INPP5A: variants seen among roughly 807,000 people sequenced by gnomAD.
INPP5A encodes the protein inositol polyphosphate-5-phosphatase A, also known as 43 kDa inositol polyphosphate 5-phophatase.
In INPP5A, 14 loss-of-function variants were observed where a neutral mutation model predicts 65.2. The ratio of observed to expected loss-of-function variants is 0.21; its 90% CI spans 0.14 to 0.34. INPP5A has a LOEUF of 0.34. Among genes scored for constraint, INPP5A ranks in the 10% least tolerant of loss-of-function variants. INPP5A has a pLI of 1.00. For missense variants in INPP5A, 431 were observed against 545.6 expected (o/e 0.79, Z 2.09); for synonymous variants, 207 against 208.3 (o/e 0.99, Z 0.05).
chr10:132,719,005 C>G (rs539692417), intron 8 of INPP5A, among the ~76,000 whole-genome samples: 1 of 146,672 alleles, frequency 6.8e-6, no homozygotes, highest in East Asian at 2.0e-4. Flanking sequence ...GTCTGGGCGC[C>G]TTAGACGACT....
chr10:132,755,259 G>A (rs1002484627), intron 11 of INPP5A, among the ~76,000 whole-genome samples: 3 of 151,266 alleles, frequency 2.0e-5, no homozygotes, highest in Non-Finnish European at 2.9e-5. Context: ...GTGTGAGCAG[G>A]TGTGTGCATG....
At chr10:132,773,757 C>G (rs12767469) in intron 12 of INPP5A, among the ~76,000 whole-genome samples, 28,778 of 152,124 alleles carry the variant, frequency 0.19, 3,198 homozygotes, top group Non-Finnish European at 0.26. Flanking sequence ...TTTTGTCCCT[C>G]GAGATACGGG....
At chr10:132,739,739 T>G (rs1846240786) in intron 9 of INPP5A, among the ~76,000 whole-genome samples, 1 of 152,234 alleles carries the variant, frequency 6.6e-6, no homozygotes, top group African/African-American at 2.4e-5. Flanking sequence ...TGAGATGACG[T>G]GTGCTGTTTC....
chr10:132,629,936 G>A (rs190413971), intron 2 of INPP5A, among the ~76,000 whole-genome samples: 72 of 152,234 alleles, frequency 4.7e-4, no homozygotes, highest in Middle Eastern at 3.4e-3. Flanking sequence ...AAGGGTGGGC[G>A]TCCTTGAGGG....
At chr10:132,601,850 A>T (rs2071780686) in intron 1 of INPP5A, among the ~76,000 whole-genome samples, 1 of 146,898 alleles carries the variant, frequency 6.8e-6, no homozygotes. Context: ...TTGTGCCAGG[A>T]CCACACTGTT....
intron 9 of INPP5A, among the ~76,000 whole-genome samples, chr10:132,742,864 C>T (rs566665173): frequency 4.6e-5 from 7 of 152,276 alleles, no homozygotes; most frequent in East Asian, 1.9e-4. Flanking sequence ...TTTATTTAAC[C>T]GCTGAAGGCA....
intron 9 of INPP5A, among the ~76,000 whole-genome samples, chr10:132,737,706 G>C (rs1028875269): frequency 2.0e-5 from 3 of 152,210 alleles, no homozygotes; most frequent in Admixed American, 6.5e-5. Context: ...CGTGCTGCTC[G>C]GTTCACTCAC....
intron 9 of INPP5A, among the ~76,000 whole-genome samples, chr10:132,736,496 C>A (rs912786359): frequency 1.3e-5 from 2 of 152,236 alleles, no homozygotes; most frequent in East Asian, 3.8e-4. Context: ...AAGGAGCCGT[C>A]CTCGGAGAGG....
intron 5 of INPP5A, among the ~76,000 whole-genome samples, chr10:132,694,035 T>A (rs573694062): frequency 1.1e-4 from 17 of 152,232 alleles, no homozygotes; most frequent in Non-Finnish European, 2.1e-4. Flanking sequence ...ATTGATCTAA[T>A]TGACACTTAT....
At chr10:132,738,048 C>G (rs185974050) in intron 9 of INPP5A, among the ~76,000 whole-genome samples, 5 of 152,310 alleles carry the variant, frequency 3.3e-5, no homozygotes, top group Non-Finnish European at 5.9e-5. Context: ...TTTCTCTGGT[C>G]TATGCTGGGA....
intron 8 of INPP5A, among the ~76,000 whole-genome samples, chr10:132,725,224 G>A (rs2134577989): frequency 6.6e-6 from 1 of 152,342 alleles, no homozygotes; most frequent in Admixed American, 6.5e-5. Flanking sequence ...AGATGGAAAT[G>A]AACTCCTACG....
chr10:132,748,629 G>T (rs1463244316), intron 9 of INPP5A, among the ~76,000 whole-genome samples: 1 of 152,220 alleles, frequency 6.6e-6, no homozygotes, highest in African/African-American at 2.4e-5. Flanking sequence ...TTTCAAAACA[G>T]GCCTCAATGT....
chr10:132,765,977 A>G (rs1216925066), intron 12 of INPP5A, 131 bp downstream of exon 12: 1 of 679,814 alleles, frequency 1.5e-6, no homozygotes, highest in Non-Finnish European at 2.7e-6. Flanking sequence ...TTCTGTGTGC[A>G]TCCAGAGTGT....
intron 11 of INPP5A, among the ~76,000 whole-genome samples, chr10:132,760,423 GC>G (rs1444207205): frequency 6.6e-6 from 1 of 152,256 alleles, no homozygotes; most frequent in African/African-American, 2.4e-5. Context: ...CTGTGGGCCC[GC>G]TGTGAGCAGA....
rs562380463 is a variant in INPP5A at position 132,628,968 on chromosome 10, C to T, written c.118-16900C>T. Among the ~76,000 whole-genome samples the T allele has an allele frequency of 6.6e-5, 10 of 152,280 alleles. No individual in the cohort carries two copies. The South Asian group carries it at 2.1e-3, about 32-fold the overall frequency. On this transcript the variant is annotated intron_variant, in intron 2 of 15. Coordinates refer to ENST00000368594, the MANE Select transcript of INPP5A (RefSeq NM_005539.5). ...AATCAGTATACAGTTATTAATGAGACATGTTATCTGTTTTTGTGTGGCCTT... is the reference window on the plus strand; with the variant it reads ...AATCAGTATACAGTTATTAATGAGATATGTTATCTGTTTTTGTGTGGCCTT...
In INPP5A at chr10:132,674,314, C is replaced by A. The variant is rs1295655587; in HGVS notation, c.307-16078C>A. 6.6e-6 allele frequency among the ~76,000 whole-genome samples: 1 copy of A among 152,228 alleles called. No homozygotes were observed. The highest frequency in any genetic ancestry group is 2.4e-5 in the African/African-American group (1 of 41,464). On this transcript the variant is annotated intron_variant, in intron 4 of 15. Coordinates refer to ENST00000368594, the MANE Select transcript of INPP5A (RefSeq NM_005539.5). The surrounding 1 kb of genome is among the most constrained non-coding windows in gnomAD (Gnocchi z 4.4). Reference sequence around the variant, plus strand: ...TATATAATCACACATCTGGCCATTTCTCCTTCCAAGCAGAGTGCACAAGCG... The same window carrying A: ...TATATAATCACACATCTGGCCATTTATCCTTCCAAGCAGAGTGCACAAGCG...
At chr10:132,688,610 T>G (rs1158737106) in intron 4 of INPP5A, among the ~76,000 whole-genome samples, 2 of 150,478 alleles carry the variant, frequency 1.3e-5, no homozygotes, top group African/African-American at 4.9e-5. Flanking sequence ...TGTGTGCAAG[T>G]GTGTGAGTGT....
chr10:132,644,046 A>G lies in INPP5A; in HGVS notation c.118-1822A>G, dbSNP rs1343982137. 6.6e-6 allele frequency among the ~76,000 whole-genome samples: 1 copy of G among 152,032 alleles called. No individual in the cohort carries two copies. The highest frequency in any genetic ancestry group is 1.5e-5 in the Non-Finnish European group (1 of 68,002). On this transcript the variant is annotated intron_variant, in intron 2 of 15. Coordinates refer to ENST00000368594, the MANE Select transcript of INPP5A (RefSeq NM_005539.5). This position sits in a 1 kb window ranked among gnomAD's most constrained non-coding sequence, Gnocchi z 6.5. ...CAGCTGGAACCAGACCACCGGAAAC[A>G]CTCAGACCACCGGCACCAAGGGTTG...
intron 9 of INPP5A, among the ~76,000 whole-genome samples, chr10:132,730,328 G>T (rs372392375): frequency 5.3e-5 from 8 of 152,342 alleles, no homozygotes; most frequent in African/African-American, 1.9e-4. Context: ...CTGCTTGCCG[G>T]GGCCACGTGG....
Sources: allele counts gnomAD v4.1 joint callset (sites outside exome capture counted in the v4.1 genomes callset), GRCh38; gene constraint gnomAD v4.1.1; non-coding constraint Gnocchi (gnomAD v3.1); transcripts MANE v1.5; gene names NCBI Gene and HGNC (gene_info 2026-07-23, HGNC 2026-07-21).